The following CTNNA1 variants were observed in gnomAD, a reference collection of about 807,000 sequenced individuals.
CTNNA1 encodes catenin alpha 1, also known as catenin alpha-1.
Under a neutral mutation model 98.4 loss-of-function variants are expected in CTNNA1, and 37 were observed. That is an observed-to-expected ratio of 0.38 (90% CI 0.29 to 0.49). The LOEUF is 0.49. CTNNA1 is among the 20% of genes least tolerant of loss of function. The pLI is 0.95. For missense variants in CTNNA1, 761 were observed against 1,147.2 expected (o/e 0.66, Z 4.86); for synonymous variants, 404 against 413.2 (o/e 0.98, Z 0.27).
At chr5:138,905,648 C>T (rs540642808) in intron 10 of CTNNA1, among the ~76,000 whole-genome samples, 2 of 152,364 alleles carry the variant, frequency 1.3e-5, no homozygotes, top group Non-Finnish European at 1.5e-5. Context: ...CTGTGTTACA[C>T]ATCTGGCCCT....
chr5:138,873,747 C>G lies in CTNNA1; in HGVS notation c.1063-12465C>G. The G allele has an allele frequency of 6.2e-7, 1 of 1,614,046 alleles. No individual in the cohort carries two copies. The highest frequency in any genetic ancestry group is 8.5e-7 in the Non-Finnish European group (1 of 1,179,902). On this transcript the variant is annotated intron_variant, in intron 7 of 17. Coordinates refer to ENST00000302763, the MANE Select transcript of CTNNA1 (RefSeq NM_001903.5). The surrounding 1 kb of genome is among the most constrained non-coding windows in gnomAD (Gnocchi z 6.1). ...TTAAGATTGGGCATCGTTTCAAACA[C>G]TGTCAAGTCGATGGCTTTGATTTCA... is the stretch of plus-strand genomic sequence containing the variant.
intron 9 of CTNNA1, among the ~76,000 whole-genome samples, chr5:138,895,326 GTCTT>G (rs1756534987): frequency 6.6e-6 from 1 of 152,160 alleles, no homozygotes; most frequent in Non-Finnish European, 1.5e-5. Context: ...AGTGGACTTT[GTCTT>G]ATTCTGAAGT....
chr5:138,872,027 AGTGTGTGTGTGTGTGTGTGTGTGTGT>A (rs370259988), intron 7 of CTNNA1: 3 of 133,066 alleles, frequency 2.3e-5, no homozygotes, highest in East Asian at 2.1e-4. Flanking sequence ...AGAGCGCGAG[AGTGTGTGTGTGTGTGTGTGTGTGTGT>A]GTGTGTGTGT....
At chr5:138,831,492 T>G (rs867335977) in intron 7 of CTNNA1, among the ~76,000 whole-genome samples, 8 of 152,238 alleles carry the variant, frequency 5.3e-5, no homozygotes, top group Admixed American at 1.3e-4. Flanking sequence ...CACTTTGTTC[T>G]GCCTGCCCAG....
At chr5:138,906,838 G>A (rs1759363761) in intron 10 of CTNNA1, among the ~76,000 whole-genome samples, 1 of 152,064 alleles carries the variant, frequency 6.6e-6, no homozygotes, top group Non-Finnish European at 1.5e-5. Context: ...TGCTACTCTT[G>A]CTCACAAACT....
intron 7 of CTNNA1, among the ~76,000 whole-genome samples, chr5:138,842,273 C>G (rs1460810052): frequency 6.6e-6 from 1 of 152,088 alleles, no homozygotes; most frequent in Non-Finnish European, 1.5e-5. Context: ...GCACTCCAGC[C>G]TGGGAAACAG....
At position 138,934,185 on chromosome 5, in the gene CTNNA1, A is replaced by C. The variant is rs1766055278; in HGVS notation, c.*96A>C. 12 of 887,068 alleles carry C rather than the reference A, an allele frequency of 1.4e-5. No homozygotes were observed. Among genetic ancestry groups the C allele is most frequent in the Middle Eastern group, 3.4e-4 (1 of 2,940 alleles). 54.9% of individuals were successfully genotyped at this position (887,068 alleles called of 1,614,324 possible). ...ATTTGCTAAATACAACACTGATACT[A>C]GATTCCACAGGGAAATGGGCAGACT... On this transcript the variant is annotated 3_prime_UTR_variant, in exon 18 of 18. Transcript: ENST00000302763.
intron 3 of CTNNA1, among the ~76,000 whole-genome samples, chr5:138,797,104 A>G (rs1431727172): frequency 1.3e-5 from 2 of 152,182 alleles, no homozygotes; most frequent in Non-Finnish European, 2.9e-5. Flanking sequence ...TGCAAGTTTT[A>G]CTTTTTCATT....
At chr5:138,876,715 C>T (rs1751644133) in intron 7 of CTNNA1, among the ~76,000 whole-genome samples, 1 of 152,180 alleles carries the variant, frequency 6.6e-6, no homozygotes, top group South Asian at 2.1e-4. Context: ...ATTCATCCCA[C>T]TGGGCAGATC....
chr5:138,797,919 C>T (rs1024690374), intron 3 of CTNNA1, among the ~76,000 whole-genome samples: 4 of 151,302 alleles, frequency 2.6e-5, no homozygotes, highest in African/African-American at 4.9e-5. Context: ...GTTGGAAAAA[C>T]GTAAGGCACA....
intron 3 of CTNNA1, among the ~76,000 whole-genome samples, chr5:138,805,318 C>A (rs1757976003): frequency 6.6e-6 from 1 of 152,192 alleles, no homozygotes; most frequent in Admixed American, 6.5e-5. Flanking sequence ...ACATTTAACC[C>A]TTTGAGGAAC....
chr5:138,903,602 A>G (rs1471611419), intron 9 of CTNNA1, among the ~76,000 whole-genome samples: 1 of 152,220 alleles, frequency 6.6e-6, no homozygotes, highest in African/African-American at 2.4e-5. Flanking sequence ...CAACCTGGAA[A>G]GATTGTTCCT....
intron 7 of CTNNA1, among the ~76,000 whole-genome samples, chr5:138,844,775 A>G (rs1222881696): frequency 6.6e-6 from 1 of 152,128 alleles, no homozygotes; most frequent in Non-Finnish European, 1.5e-5. Flanking sequence ...AGAATTATGT[A>G]TAGTAAGTAG....
chr5:138,770,964 A>C (rs1033180407), intron 1 of CTNNA1, among the ~76,000 whole-genome samples: 3 of 151,944 alleles, frequency 2.0e-5, no homozygotes, highest in African/African-American at 7.2e-5. Flanking sequence ...AAAAAAAAAA[A>C]ACACAAAAAC....
intron 7 of CTNNA1, among the ~76,000 whole-genome samples, chr5:138,843,628 T>C (rs2149823612): frequency 6.6e-6 from 1 of 152,354 alleles, no homozygotes; most frequent in African/African-American, 2.4e-5. Context: ...TGCCATTATG[T>C]AGAGCCAGGG....
chr5:138,824,697 C>G lies in CTNNA1; in HGVS notation c.756C>G (p.Val252=). 5 of 1,614,248 alleles carry G rather than the reference C, an allele frequency of 3.1e-6. No individual in the cohort carries two copies. The highest frequency in any genetic ancestry group is 4.2e-6 in the Non-Finnish European group (5 of 1,180,044). ...TATACAAGCAGCTGCAGCAGGCGGT[C>G]ACAGGCATTTCCAATGCAGCCCAGG... ...DLIYKQLQQA[V]TGISNAAQAT... Residue 252 remains valine (V), a synonymous_variant, in exon 6 of 18, where the codon GTC becomes GTG. Transcript: ENST00000302763.
At chr5:138,816,361 A>C (rs1442629741) in intron 5 of CTNNA1, among the ~76,000 whole-genome samples, 1 of 152,190 alleles carries the variant, frequency 6.6e-6, no homozygotes, top group Non-Finnish European at 1.5e-5. Context: ...TCTCTCTTTG[A>C]CTTACTGATT....
At chr5:138,904,291 T>G in intron 9 of CTNNA1, 58 bp from the exon 10 acceptor site, 1 of 1,556,374 alleles carries the variant, frequency 6.4e-7, no homozygotes, top group Non-Finnish European at 8.7e-7. Flanking sequence ...CAGGTGTGTG[T>G]TTTTTCCTTA....
intron 5 of CTNNA1, among the ~76,000 whole-genome samples, chr5:138,814,689 A>G (rs929709630): frequency 1.3e-5 from 2 of 152,266 alleles, no homozygotes; most frequent in African/African-American, 2.4e-5. Context: ...TTTAGACAAA[A>G]TAAACATTAA....
Sources: allele counts gnomAD v4.1 joint callset (sites outside exome capture counted in the v4.1 genomes callset), GRCh38; gene constraint gnomAD v4.1.1; non-coding constraint Gnocchi (gnomAD v3.1); transcripts MANE v1.5; gene names NCBI Gene and HGNC (gene_info 2026-07-23, HGNC 2026-07-21).